The following SPIN1 variants were observed in gnomAD, a reference collection of about 807,000 sequenced individuals.
SPIN1 encodes spindlin-1.
A neutral mutation model predicts 26.0 loss-of-function variants in SPIN1; 3 were observed. That is an observed-to-expected ratio of 0.12 (90% CI 0.05 to 0.30). The LOEUF is 0.30. Among genes scored for constraint, SPIN1 ranks in the 10% least tolerant of loss-of-function variants. The probability of loss-of-function intolerance (pLI) is 1.00; values close to 1 mark genes in which losing one functional copy is unlikely to be tolerated. For missense variants in SPIN1, 126 were observed against 333.4 expected, an observed-to-expected ratio of 0.38 and a Z score of 4.84; for synonymous variants, 101 against 116.5, an observed-to-expected ratio of 0.87 and a Z score of 0.86.
At chr9:88,445,170 A>G (rs962428562) in intron 2 of SPIN1, among the ~76,000 whole-genome samples, 1 of 152,166 alleles carries the variant, frequency 6.6e-6, no homozygotes, top group Non-Finnish European at 1.5e-5. Flanking sequence ...ACAAGGGTGC[A>G]ATTCCAGTAG....
At chr9:88,475,045 CTCTTTT>C (rs1828863887) in intron 5 of SPIN1, 27 bp from the exon 6 acceptor site, 10 of 1,262,172 alleles carry the variant, frequency 7.9e-6, no homozygotes, top group African/African-American at 4.3e-5. Flanking sequence ...TTCTCTCTCT[CTCTTTT>C]TTTTTTTTTT....
At chr9:88,418,279 G>T (rs1827606721) in intron 1 of SPIN1, among the ~76,000 whole-genome samples, 1 of 152,168 alleles carries the variant, frequency 6.6e-6, no homozygotes, top group African/African-American at 2.4e-5. Context: ...CATCTCATTA[G>T]CATAAAAAAG....
At chr9:88,415,770 G>A (rs1827547833) in intron 1 of SPIN1, 1 of 151,936 alleles carries the variant, frequency 6.6e-6, no homozygotes, top group Non-Finnish European at 1.5e-5. Context: ...TTGAGATGGA[G>A]TCTAGCTCTG....
At chr9:88,413,149 C>T (rs1402335835) in intron 1 of SPIN1, among the ~76,000 whole-genome samples, 1 of 150,374 alleles carries the variant, frequency 6.7e-6, no homozygotes, top group Non-Finnish European at 1.5e-5. Flanking sequence ...TCACTGCAGC[C>T]TCTGCCTCCC....
chr9:88,435,207 CTTTTTT>C (rs368816684), intron 2 of SPIN1, among the ~76,000 whole-genome samples: 3 of 147,008 alleles, frequency 2.0e-5, no homozygotes, highest in Non-Finnish European at 4.5e-5. Context: ...ATTTTGCATT[CTTTTTT>C]TTTTTCTTTT....
chr9:88,393,274 A>C (rs61680766), intron 1 of SPIN1, among the ~76,000 whole-genome samples: 215 of 151,938 alleles, frequency 1.4e-3, no homozygotes, highest in African/African-American at 4.8e-3. Flanking sequence ...GTAGCGTGTT[A>C]ACAAAATAGG....
At chr9:88,389,783 T>A (rs1826880262) in intron 1 of SPIN1, among the ~76,000 whole-genome samples, 1 of 152,234 alleles carries the variant, frequency 6.6e-6, no homozygotes, top group Admixed American at 6.5e-5. Flanking sequence ...GTACAGTAAT[T>A]GCTTTCTACA....
intron 1 of SPIN1, among the ~76,000 whole-genome samples, chr9:88,425,301 T>G (rs2118019202): frequency 6.6e-6 from 1 of 152,224 alleles, no homozygotes; most frequent in Non-Finnish European, 1.5e-5. Flanking sequence ...CCTGATAGCC[T>G]TCATCTTAGG....
At chr9:88,390,732 A>G (rs1020987661) in intron 1 of SPIN1, among the ~76,000 whole-genome samples, 46 of 152,232 alleles carry the variant, frequency 3.0e-4, no homozygotes, top group African/African-American at 1.0e-3. Flanking sequence ...TGAAAACAAT[A>G]TTCTGGAGTT....
chr9:88,441,398 C>CGTGTGTGTGTGTGTGTGTGTGTGTGT lies in SPIN1; in HGVS notation c.53-7526_53-7525insTGTGTGTGTGTGTGTGTGTGTGTGTG, dbSNP rs60571153. On this transcript the variant is annotated intron_variant, in intron 2 of 5. Transcript: ENST00000375859. ...TGGTTGTATCATCATTGCTGCCATT[C>CGTGTGTGTGTGTGTGTGTGTGTGTGT]GTGTGTGTGTGTGTGTGCGCGCGCG... Among the ~76,000 whole-genome samples the CGTGTGTGTGTGTGTGTGTGTGTGTGT allele has an allele frequency of 3.2e-3, 434 of 137,764 alleles. 10 individuals carry two copies. The highest frequency in any genetic ancestry group is 0.012 in the African/African-American group (372 of 31,000). The allele number at this position is 137,764 out of a possible 152,430, so 90.4% of individuals were successfully genotyped here.
chr9:88,411,102 GGTGAT>G, intron 1 of SPIN1: 1 of 1,525,414 alleles, frequency 6.6e-7, no homozygotes, highest in Non-Finnish European at 9.0e-7. Flanking sequence ...TAATCTCTTA[GGTGAT>G]GTTCTTTAGT....
At chr9:88,464,346 G>C (rs1828620628) in intron 4 of SPIN1, among the ~76,000 whole-genome samples, 1 of 152,182 alleles carries the variant, frequency 6.6e-6, no homozygotes, top group African/African-American at 2.4e-5. Flanking sequence ...AAAATTACTT[G>C]CTCTTCACTT....
chr9:88,463,744 CTTTAAA>C (rs1828613008), intron 4 of SPIN1, among the ~76,000 whole-genome samples: 1 of 152,278 alleles, frequency 6.6e-6, no homozygotes, highest in African/African-American at 2.4e-5. Flanking sequence ...AGAAATCTTT[CTTTAAA>C]TTTAAATCTT....
intron 1 of SPIN1, among the ~76,000 whole-genome samples, chr9:88,407,504 G>A (rs1827335279): frequency 6.6e-6 from 1 of 150,732 alleles, no homozygotes; most frequent in African/African-American, 2.4e-5. Flanking sequence ...TTCTTCTAAG[G>A]TGTTAAAATA....
chr9:88,393,445 G>GTTT (rs57244433), intron 1 of SPIN1, among the ~76,000 whole-genome samples: 3,349 of 88,408 alleles, frequency 0.038, 501 homozygotes, highest in Non-Finnish European at 0.046. Context: ...TTGCTTTTGG[G>GTTT]TTTTTTTTTT....
At chr9:88,395,839 G>C (rs1827040607) in intron 1 of SPIN1, among the ~76,000 whole-genome samples, 1 of 151,916 alleles carries the variant, frequency 6.6e-6, no homozygotes, top group Non-Finnish European at 1.5e-5. Context: ...ATGAGGTCAG[G>C]AGTTCAAGAA....
chr9:88,398,633 T>TGGCGCGATGTTGGCTCATCGCAAC (rs1827120475), intron 1 of SPIN1, among the ~76,000 whole-genome samples: 1 of 152,150 alleles, frequency 6.6e-6, no homozygotes, highest in African/African-American at 2.4e-5. Context: ...TGGAGTGCAA[T>TGGCGCGATGTTGGCTCATCGCAAC]GGCGCGATGT....
At chr9:88,392,291 A>C (rs1479143412) in intron 1 of SPIN1, among the ~76,000 whole-genome samples, 2 of 152,140 alleles carry the variant, frequency 1.3e-5, no homozygotes, top group Non-Finnish European at 2.9e-5. Context: ...ATGACCTTAA[A>C]ATTGCCGTAA....
chr9:88,414,538 T>TA lies in SPIN1; in HGVS notation c.-158-11843dup, dbSNP rs751333647. Among the ~76,000 whole-genome samples the TA allele has an allele frequency of 7.2e-5, 11 of 152,338 alleles. No individual in the cohort carries two copies. The East Asian group carries it at 7.7e-4, about 11-fold the overall frequency. ...GATGCCTAAGGACCAGGCCTAGTGATATCACGTGGCTGACCTGAGCTGTGC... is the reference window on the plus strand; with the variant it reads ...GATGCCTAAGGACCAGGCCTAGTGATAATCACGTGGCTGACCTGAGCTGTGC... On this transcript the variant is annotated intron_variant, in intron 1 of 5. Coordinates refer to ENST00000375859, the MANE Select transcript of SPIN1 (RefSeq NM_006717.3).
Sources: gnomAD v4.1 joint callset for allele counts (sites outside exome capture counted in the v4.1 genomes callset) on GRCh38, gnomAD v4.1.1 for gene constraint, MANE v1.5 for transcripts, NCBI Gene and HGNC (gene_info 2026-07-23, HGNC 2026-07-21) for gene names.